The following PCSK5 variants were observed in gnomAD, a reference collection of about 807,000 sequenced individuals.
PCSK5 encodes prohormone convertase 5.
Under a neutral mutation model 233.2 loss-of-function variants are expected in PCSK5, and 129 were observed. The ratio of observed to expected loss-of-function variants is 0.55; its 90% CI spans 0.48 to 0.64. The LOEUF is 0.64. Ranked by LOEUF, PCSK5 falls within the 30% of genes least tolerant of loss-of-function variation. PCSK5 has a pLI of 0.00. For missense variants in PCSK5, 2,076 were observed against 2,430.1 expected, an observed-to-expected ratio of 0.85 and a Z score of 3.06; for synonymous variants, 825 against 879.2, an observed-to-expected ratio of 0.94 and a Z score of 1.09.
intron 5 of PCSK5, among the ~76,000 whole-genome samples, chr9:76,062,672 G>T (rs989948323): frequency 6.6e-6 from 1 of 151,760 alleles, no homozygotes; most frequent in Non-Finnish European, 1.5e-5. Context: ...ATTTTTTATT[G>T]ATACATAATA....
At chr9:76,116,729 T>C (rs1447638789) in intron 9 of PCSK5, among the ~76,000 whole-genome samples, 1 of 152,126 alleles carries the variant, frequency 6.6e-6, no homozygotes, top group Admixed American at 6.5e-5. Context: ...CCATATTTCC[T>C]ATGTGGAAAA....
intron 9 of PCSK5, among the ~76,000 whole-genome samples, chr9:76,125,802 C>G (rs1832826189): frequency 6.6e-6 from 1 of 152,168 alleles, no homozygotes; most frequent in African/African-American, 2.4e-5. Flanking sequence ...AGGCCAAGGT[C>G]TATGTGGGGT....
rs769452698 is a variant in PCSK5 at position 76,358,835 on chromosome 9, C to T, written c.5577C>T (p.Val1859=). The T allele has an allele frequency of 6.2e-6, 10 of 1,612,714 alleles. No individual in the cohort carries two copies. The Admixed American group carries it at 1.7e-4, about 27-fold the overall frequency. The change falls in exon 38 of 38, where the codon GTC becomes GTT. Residue 1859 remains valine (V), a synonymous_variant. Coordinates refer to ENST00000674117, the MANE Select transcript of PCSK5 (RefSeq NM_001372043.1). ...TCTACATGGGCCAGGATGGCACAGTCTACCGGAAATTTAAATATGGGCTGC... is the reference window on the plus strand; with the variant it reads ...TCTACATGGGCCAGGATGGCACAGTTTACCGGAAATTTAAATATGGGCTGC... The part of the protein sequence containing the change: ...DIVYMGQDGT[V]YRKFKYGLLD...
At chr9:76,155,124 C>G (rs1823833986) in intron 10 of PCSK5, among the ~76,000 whole-genome samples, 2 of 152,230 alleles carry the variant, frequency 1.3e-5, no homozygotes, top group South Asian at 4.1e-4. Context: ...CGTGCCATAG[C>G]AAAATAGGTT....
intron 34 of PCSK5, 106 bp downstream of exon 34, chr9:76,332,716 T>C: frequency 1.2e-6 from 1 of 853,224 alleles, no homozygotes. Flanking sequence ...TAAAACCAGG[T>C]TGAAGTCTCA....
chr9:76,238,964 T>C lies in PCSK5; in HGVS notation c.2872T>C (p.Tyr958His), dbSNP rs924702738. 8.1e-6 allele frequency: 13 copies of C among 1,611,544 alleles called. No individual in the cohort carries two copies. In the African/African-American group the frequency reaches 1.7e-4, roughly 22 times the overall value. The part of the protein sequence containing the change: ...THCTSCGADN[Y>H]GREHFLYQGE... ...TTGCCCCTGTAACTGATCAGACAAC[T>C]ATGGCCGAGAGCACTTCCTGTACCA... The change falls in exon 23 of 38, where the codon TAT (tyrosine) becomes CAT (histidine). Residue 958 changes from tyrosine (Y) to histidine (H), a missense_variant. Around this residue, in one of 6 missense-constraint regions of PCSK5, gnomAD observed 1,510 missense variants for 1,538.1 expected, o/e 0.98. Coordinates refer to ENST00000674117, the MANE Select transcript of PCSK5 (RefSeq NM_001372043.1).
intron 7 of PCSK5, among the ~76,000 whole-genome samples, chr9:76,074,342 A>G (rs1285843355): frequency 6.6e-6 from 1 of 152,234 alleles, no homozygotes; most frequent in African/African-American, 2.4e-5. Flanking sequence ...AGATCTTCCA[A>G]GGTTTTACTT....
At chr9:76,014,970 G>A (rs190144270) in intron 3 of PCSK5, among the ~76,000 whole-genome samples, 10 of 152,252 alleles carry the variant, frequency 6.6e-5, no homozygotes, top group Non-Finnish European at 1.2e-4. Context: ...GAAAGAGAGG[G>A]AGAGGGAGAG....
chr9:76,351,424 C>A (rs78969346), intron 36 of PCSK5, among the ~76,000 whole-genome samples: 4,401 of 108,784 alleles, frequency 0.04, 316 homozygotes, highest in Middle Eastern at 0.06. Context: ...CAGAAACCGC[C>A]CCCCCCTGCA....
chr9:76,180,001 T>C (rs1823775920), intron 15 of PCSK5, among the ~76,000 whole-genome samples: 1 of 57,012 alleles, frequency 1.8e-5, no homozygotes, highest in Non-Finnish European at 3.4e-5. Flanking sequence ...CTCCAGACCT[T>C]TCTTTTTTTT....
At chr9:76,285,797 G>A (rs963674298) in intron 24 of PCSK5, among the ~76,000 whole-genome samples, 1 of 151,344 alleles carries the variant, frequency 6.6e-6, no homozygotes, top group Non-Finnish European at 1.5e-5. Flanking sequence ...AAATAAACAT[G>A]TGAAGAGAAT....
chr9:76,060,562 G>A (rs1564002377), intron 5 of PCSK5, among the ~76,000 whole-genome samples: 1 of 152,038 alleles, frequency 6.6e-6, no homozygotes, highest in East Asian at 1.9e-4. Context: ...GCTGTTCAGG[G>A]TTCAACTGTA....
chr9:76,165,959 C>A (rs560735392), intron 12 of PCSK5, among the ~76,000 whole-genome samples: 10 of 152,342 alleles, frequency 6.6e-5, no homozygotes, highest in Admixed American at 2.6e-4. Context: ...CAATGCAAAG[C>A]AAACCTACAA....
chr9:75,902,058 A>G (rs1826059894), intron 1 of PCSK5, among the ~76,000 whole-genome samples: 2 of 151,890 alleles, frequency 1.3e-5, no homozygotes, highest in Non-Finnish European at 2.9e-5. Context: ...TCTACTAAAA[A>G]TACAAAAATT....
intron 2 of PCSK5, among the ~76,000 whole-genome samples, chr9:75,984,120 A>G (rs539617306): frequency 6.4e-4 from 98 of 152,304 alleles, no homozygotes; most frequent in African/African-American, 2.2e-3. Flanking sequence ...TTGTTTGGTA[A>G]AATTATAGAA....
chr9:76,012,126 AACAC>A (rs1827753100), intron 3 of PCSK5, among the ~76,000 whole-genome samples: 2 of 152,222 alleles, frequency 1.3e-5, no homozygotes, highest in African/African-American at 2.4e-5. Flanking sequence ...TTAAAAAATA[AACAC>A]ACACACAAGC....
chr9:76,227,221 T>C (rs1317949961), intron 20 of PCSK5, among the ~76,000 whole-genome samples: 1 of 152,204 alleles, frequency 6.6e-6, no homozygotes, highest in East Asian at 1.9e-4. Flanking sequence ...CCGCTTGGCC[T>C]TCCCTACTTA....
In PCSK5 at chr9:76,148,391, C is replaced by T. The variant is rs537379186; in HGVS notation, c.1313-8654C>T. ...TCTCTCCCTCTCTCCTTTCCTCTCC[C>T]ATCCTCTTAATGCCACTGCTTTTCT... On this transcript the variant is annotated intron_variant, in intron 10 of 37. Coordinates refer to ENST00000674117, the MANE Select transcript of PCSK5 (RefSeq NM_001372043.1). Among the ~76,000 whole-genome samples, 4 of 149,840 alleles carry T rather than the reference C, an allele frequency of 2.7e-5. No homozygotes were observed. In the South Asian group the frequency reaches 8.6e-4, roughly 32 times the overall value.
At chr9:76,104,787 C>T (rs1831909496) in intron 8 of PCSK5, among the ~76,000 whole-genome samples, 1 of 151,802 alleles carries the variant, frequency 6.6e-6, no homozygotes, top group Non-Finnish European at 1.5e-5. Context: ...ATCTTGAATC[C>T]AGGCACAAGT....
Sources: allele counts gnomAD v4.1 joint callset (sites outside exome capture counted in the v4.1 genomes callset), GRCh38; gene constraint gnomAD v4.1.1; regional missense constraint gnomAD v4.1.1; transcripts MANE v1.5; gene names NCBI Gene and HGNC (gene_info 2026-07-23, HGNC 2026-07-21).